The following CEP162 variants were observed in gnomAD, a reference collection of about 807,000 sequenced individuals.
CEP162 encodes the protein centrosomal protein 162, also known as centrosomal protein of 162 kDa.
CEP162 carries 141 observed loss-of-function variants against 169.2 expected under a neutral mutation model. The ratio of observed to expected loss-of-function variants is 0.83; its 90% CI spans 0.73 to 0.96. The LOEUF (loss-of-function observed/expected upper bound fraction) is 0.96, where lower values mean the gene tolerates loss of function less well. CEP162 is among the 40% of genes least tolerant of loss of function. The pLI is 0.00. For missense variants in CEP162, 1,600 were observed against 1,587.2 expected (o/e 1.01, Z -0.14); for synonymous variants, 540 against 526.4 (o/e 1.03, Z -0.35).
intron 11 of CEP162, among the ~76,000 whole-genome samples, chr6:84,189,100 G>A (rs997691264): frequency 3.3e-5 from 5 of 151,844 alleles, no homozygotes; most frequent in African/African-American, 1.2e-4. Context: ...TCACCAGGCT[G>A]GAGAGCAGTG....
intron 25 of CEP162, among the ~76,000 whole-genome samples, chr6:84,130,849 A>G (rs1038795395): frequency 5.9e-5 from 9 of 152,026 alleles, no homozygotes; most frequent in African/African-American, 1.9e-4. Context: ...TTGTGTCTCT[A>G]TCTCCTTTAG....
intron 9 of CEP162, among the ~76,000 whole-genome samples, chr6:84,197,086 T>TAC (rs536213482): frequency 3.2e-4 from 48 of 152,244 alleles, no homozygotes; most frequent in African/African-American, 1.1e-3. Context: ...CTGCTGAGCA[T>TAC]ACATAAAAGA....
intron 21 of CEP162, among the ~76,000 whole-genome samples, chr6:84,157,809 A>G (rs1256547922): frequency 1.3e-5 from 2 of 152,104 alleles, no homozygotes; most frequent in Non-Finnish European, 2.9e-5. Context: ...TTATATGCAC[A>G]TGAGTGTGTA....
At chr6:84,154,597 C>G (rs963982295) in intron 22 of CEP162, among the ~76,000 whole-genome samples, 1 of 152,110 alleles carries the variant, frequency 6.6e-6, no homozygotes, top group African/African-American at 2.4e-5. Flanking sequence ...GCTCCTTCAT[C>G]TGCAAAATAG....
At chr6:84,176,977 CAA>C (rs2099532680) in intron 13 of CEP162, among the ~76,000 whole-genome samples, 1 of 151,838 alleles carries the variant, frequency 6.6e-6, no homozygotes, top group African/African-American at 2.4e-5. Context: ...TTATTTAACA[CAA>C]TATATCCAAC....
At chr6:84,189,518 T>C (rs1014581603) in intron 11 of CEP162, among the ~76,000 whole-genome samples, 1 of 152,192 alleles carries the variant, frequency 6.6e-6, no homozygotes, top group Non-Finnish European at 1.5e-5. Flanking sequence ...CCCGGGCCAG[T>C]GGCTGCAGAG....
At chr6:84,187,038 A>G (rs1315986353) in intron 11 of CEP162, among the ~76,000 whole-genome samples, 1 of 152,182 alleles carries the variant, frequency 6.6e-6, no homozygotes, top group East Asian at 1.9e-4. Context: ...ACATTTCTAG[A>G]AGAAACTAAA....
intron 25 of CEP162, among the ~76,000 whole-genome samples, chr6:84,146,418 A>G (rs556352147): frequency 1.3e-5 from 2 of 151,942 alleles, no homozygotes; most frequent in East Asian, 3.8e-4. Context: ...TGAAGAAAAC[A>G]AACAGAAAAC....
At chr6:84,218,746 A>G (rs1175625998) in intron 3 of CEP162, among the ~76,000 whole-genome samples, 1 of 152,214 alleles carries the variant, frequency 6.6e-6, no homozygotes, top group African/African-American at 2.4e-5. Flanking sequence ...TCTGTGAATA[A>G]TGGTTTTACT....
intron 18 of CEP162, among the ~76,000 whole-genome samples, chr6:84,168,078 G>A (rs2099528549): frequency 6.6e-6 from 1 of 151,880 alleles, no homozygotes; most frequent in African/African-American, 2.4e-5. Context: ...GTTGTTAGTG[G>A]GAGTTTTCAA....
intron 6 of CEP162, among the ~76,000 whole-genome samples, chr6:84,208,019 A>ATT (rs375738078): frequency 0.084 from 11,171 of 132,828 alleles, 1,637 homozygotes; most frequent in African/African-American, 0.29. Flanking sequence ...AGGTTGATTG[A>ATT]TTTTTTTTTT....
At chr6:84,126,291 T>C (rs1221879909) in intron 26 of CEP162, 87 bp downstream of exon 26, 2 of 953,000 alleles carry the variant, frequency 2.1e-6, no homozygotes, top group Non-Finnish European at 2.9e-6. Context: ...TAAGTGGTAA[T>C]TTTTGCTAGG....
chr6:84,211,966 A>C (rs1421662385), intron 6 of CEP162, among the ~76,000 whole-genome samples: 2 of 152,048 alleles, frequency 1.3e-5, no homozygotes, highest in Non-Finnish European at 2.9e-5. Context: ...TCACAATAAT[A>C]GGAATTACCG....
intron 23 of CEP162, among the ~76,000 whole-genome samples, chr6:84,151,443 AG>A (rs2099521055): frequency 6.6e-6 from 1 of 152,040 alleles, no homozygotes; most frequent in African/African-American, 2.4e-5. Context: ...GAGCTTGGGA[AG>A]GGGAACTAAT....
chr6:84,185,245 G>A lies in CEP162; in HGVS notation c.1605C>T (p.Asp535=). The change falls in exon 13 of 27, where the codon GAC becomes GAT. Residue 535 remains aspartate, a synonymous_variant. Transcript: ENST00000403245. ...FSTLEKKTSE[D]IIKSKNLRSI... ...ATCTCAAGTTTTTGCTTTTTATAAT[G>A]TCCTCTGAAGTTTTCTTTTCAAGAG... 1 of 1,613,276 alleles carries A rather than the reference G, an allele frequency of 6.2e-7. No individual in the cohort carries two copies. The highest frequency in any genetic ancestry group is 2.2e-5 in the East Asian group (1 of 44,854).
At chr6:84,219,064 A>T (rs1036153303) in intron 3 of CEP162, 2 of 650,162 alleles carry the variant, frequency 3.1e-6, no homozygotes, top group Admixed American at 8.5e-5. Context: ...AAGCAAAATT[A>T]TAATGTAAAA....
chr6:84,211,981 C>A (rs1207389921), intron 6 of CEP162, among the ~76,000 whole-genome samples: 1 of 149,286 alleles, frequency 6.7e-6, no homozygotes, highest in African/African-American at 2.5e-5. Context: ...TTACCGGAAA[C>A]TTCTCATGAG....
intron 6 of CEP162, among the ~76,000 whole-genome samples, chr6:84,209,052 G>T (rs1588879068): frequency 6.6e-6 from 1 of 152,224 alleles, no homozygotes; most frequent in Non-Finnish European, 1.5e-5. Flanking sequence ...TGTGGTGTGT[G>T]TGTGTGACTG....
At chr6:84,200,721 A>AAT in intron 9 of CEP162, 68 bp downstream of exon 9, 2 of 709,458 alleles carry the variant, frequency 2.8e-6, no homozygotes, top group Middle Eastern at 5.4e-4. Flanking sequence ...ATTTCCTTAG[A>AAT]AATGTAGTCA....
Sources: gnomAD v4.1 joint callset for allele counts (sites outside exome capture counted in the v4.1 genomes callset) on GRCh38, gnomAD v4.1.1 for gene constraint, MANE v1.5 for transcripts, NCBI Gene and HGNC (gene_info 2026-07-23, HGNC 2026-07-21) for gene names.